The following RP1 variants were observed in gnomAD, a reference collection of about 807,000 sequenced individuals.
RP1 encodes the protein RP1 axonemal microtubule associated, also known as oxygen-regulated protein 1.
Under a neutral mutation model 14.8 loss-of-function variants are expected in RP1, and 16 were observed. That is an observed-to-expected ratio of 1.08 (90% CI 0.73 to 1.65). RP1 has a LOEUF of 1.65. Ranked by LOEUF, RP1 falls within the 40% of genes most tolerant of loss-of-function variation. RP1 has a pLI of 0.00. For missense variants in RP1, 2,631 were observed against 2,535.0 expected, an observed-to-expected ratio of 1.04 and a Z score of -0.81; for synonymous variants, 876 against 883.6, an observed-to-expected ratio of 0.99 and a Z score of 0.15.
At chr8:54,767,022 T>C (rs1010306158) in intron 22 of RP1, among the ~76,000 whole-genome samples, 3 of 152,218 alleles carry the variant, frequency 2.0e-5, no homozygotes, top group African/African-American at 4.8e-5. Context: ...CTTGCTTCAC[T>C]ATCCAAGGCC....
At chr8:54,568,307 A>G (rs1804450377) in intron 1 of RP1, among the ~76,000 whole-genome samples, 1 of 152,238 alleles carries the variant, frequency 6.6e-6, no homozygotes, top group South Asian at 2.1e-4. Flanking sequence ...GAATCTTTTT[A>G]TTAAAAAGAA....
intron 7 of RP1, among the ~76,000 whole-genome samples, chr8:54,664,121 T>C (rs961263676): frequency 2.0e-5 from 3 of 152,172 alleles, no homozygotes; most frequent in South Asian, 2.1e-4. Context: ...AGATACCTCA[T>C]GTAAGGGAAA....
chr8:54,751,580 G>A (rs1039863727), intron 19 of RP1, among the ~76,000 whole-genome samples: 12 of 152,102 alleles, frequency 7.9e-5, no homozygotes, highest in African/African-American at 2.7e-4. Context: ...AGTGGTTAAT[G>A]GTCAAGGCCA....
At chr8:54,564,004 T>C (rs1804346319) in intron 1 of RP1, among the ~76,000 whole-genome samples, 1 of 152,196 alleles carries the variant, frequency 6.6e-6, no homozygotes, top group South Asian at 2.1e-4. Context: ...CCAGGAGCTA[T>C]TTCAAGTTAT....
At chr8:54,696,817 C>A (rs188609699) in intron 12 of RP1, 2 of 734,806 alleles carry the variant, frequency 2.7e-6, no homozygotes, top group East Asian at 2.5e-5. Context: ...ATGTGACCTG[C>A]GGATTTCCAA....
chr8:54,806,672 T>C (rs1422308560), intron 24 of RP1, among the ~76,000 whole-genome samples: 4 of 152,218 alleles, frequency 2.6e-5, no homozygotes, highest in African/African-American at 7.2e-5. Context: ...GGTGATAGTT[T>C]TGAAGATAGA....
chr8:54,716,714 A>G (rs1808412965), intron 15 of RP1, among the ~76,000 whole-genome samples: 1 of 152,176 alleles, frequency 6.6e-6, no homozygotes, highest in Non-Finnish European at 1.5e-5. Context: ...GATAACTTCT[A>G]GATCTCCTGA....
chr8:54,819,619 C>T (rs1811209404), intron 24 of RP1, among the ~76,000 whole-genome samples: 1 of 152,072 alleles, frequency 6.6e-6, no homozygotes, highest in Admixed American at 6.5e-5. Flanking sequence ...GAAGGCTCTC[C>T]AGGTATTCAA....
chr8:54,708,439 C>T lies in RP1; in HGVS notation c.2211+1784C>T, dbSNP rs1345914647. 2.0e-5 allele frequency among the ~76,000 whole-genome samples: 3 copies of T among 151,834 alleles called. No individual in the cohort carries two copies. In the South Asian group the frequency reaches 6.2e-4, roughly 32 times the overall value. ...TGGCGCAATCTCGGCTCACTGCAAG[C>T]TCCGCCTCCTGGGTTCATGCCATTC... is the stretch of plus-strand genomic sequence containing the variant. On this transcript the variant is annotated intron_variant, in intron 15 of 22. Transcript: ENST00000636932.
At position 54,579,823 on chromosome 8, in the gene RP1, T is replaced by C. The variant is rs1322923506; in HGVS notation, c.-13+20503T>C. On this transcript the variant is annotated intron_variant, in intron 1 of 22. Transcript: ENST00000636932. ...TCCTTATTCCTTCAAGTTAAATACA[T>C]GTGCCAATCCCTTCCTCAGAATCAG... Among the ~76,000 whole-genome samples, 6 of 152,190 alleles carry C rather than the reference T, an allele frequency of 3.9e-5. No individual in the cohort carries two copies. In the East Asian group the frequency reaches 9.6e-4, roughly 24 times the overall value.
chr8:54,589,542 C>A (rs1335993820), intron 1 of RP1, among the ~76,000 whole-genome samples: 1 of 152,116 alleles, frequency 6.6e-6, no homozygotes, highest in Non-Finnish European at 1.5e-5. Context: ...ATGTCTGAAG[C>A]TCACTTTCTT....
At chr8:54,695,313 A>C (rs1306091341) in intron 12 of RP1, among the ~76,000 whole-genome samples, 5 of 152,102 alleles carry the variant, frequency 3.3e-5, no homozygotes, top group Non-Finnish European at 7.4e-5. Context: ...TAAAATACTT[A>C]ACTGTTGATG....
chr8:54,745,410 CTATTTTTAGGATATG>C (rs1398356219), intron 19 of RP1, among the ~76,000 whole-genome samples: 3 of 152,098 alleles, frequency 2.0e-5, no homozygotes. Flanking sequence ...TTCCAGTCAA[CTATTTTTAGGATATG>C]TATTTAACGA....
intron 24 of RP1, among the ~76,000 whole-genome samples, chr8:54,835,941 T>A (rs561091322): frequency 6.6e-6 from 1 of 152,312 alleles, no homozygotes; most frequent in Middle Eastern, 3.4e-3. Context: ...ACATTTTTTC[T>A]ACGTGATAGA....
In RP1 at chr8:54,628,157, A is replaced by G. The variant is rs369155601; in HGVS notation, c.4275A>G (p.Leu1425=). The G allele has an allele frequency of 2.0e-5, 33 of 1,613,910 alleles. No homozygotes were observed. The highest frequency in any genetic ancestry group is 1.3e-5 in the African/African-American group (1 of 74,952). ...TAGATGATTTTGAAAATTGTTCACT[A>G]AGGAAGTTTCAGGATGAAAATGCAT... ...SSLDDFENCS[L]RKFQDENAYT... Residue 1425 remains leucine, a synonymous_variant, in exon 4 of 4, where the codon CTA becomes CTG. Coordinates refer to ENST00000220676, the MANE Select transcript of RP1 (RefSeq NM_006269.2).
exon 7 of RP1, chr8:54,663,750 C>G: frequency 6.5e-7 from 1 of 1,534,598 alleles, no homozygotes; most frequent in Non-Finnish European, 8.7e-7. Flanking sequence ...AATGCTGGAA[C>G]AGTAGCAAAC....
intron 3 of RP1, among the ~76,000 whole-genome samples, chr8:54,644,715 A>G (rs568156184): frequency 2.0e-5 from 3 of 152,308 alleles, no homozygotes; most frequent in South Asian, 2.1e-4. Flanking sequence ...TGGGACTGCT[A>G]TAAGAAAAGT....
rs1376611107 is a variant in RP1 at position 54,621,259 on chromosome 8, T to C, written c.293T>C (p.Leu98Pro). The C allele has an allele frequency of 1.2e-6, 2 of 1,613,956 alleles. No homozygotes were observed. The highest frequency in any genetic ancestry group is 1.3e-5 in the African/African-American group (1 of 74,914). The part of the protein sequence containing the change: ...GRHSITRLEE[L>P]EDGESYLCSH... ...CACAGCATCACGCGCCTGGAGGAGC[T>C]GGAGGACGGCGAGTCCTACCTATGT... Residue 98 changes from leucine to proline, a missense_variant, in exon 2 of 4, where the codon CTG (leucine) becomes CCG (proline). Physicochemically the swap from Leu to Pro is moderately conservative, Grantham distance 98 (BLOSUM62 -3). Coordinates refer to ENST00000220676, the MANE Select transcript of RP1 (RefSeq NM_006269.2).
chr8:54,729,445 T>A (rs974199982), intron 17 of RP1, among the ~76,000 whole-genome samples: 1 of 152,200 alleles, frequency 6.6e-6, no homozygotes, highest in African/African-American at 2.4e-5. Flanking sequence ...AAAAAATCTA[T>A]TATTAAGTTG....
Sources: gnomAD v4.1 joint callset for allele counts (sites outside exome capture counted in the v4.1 genomes callset) on GRCh38, gnomAD v4.1.1 for gene constraint, MANE v1.5 for transcripts, NCBI Gene and HGNC (gene_info 2026-07-23, HGNC 2026-07-21) for gene names.